GCSAM: variants seen among roughly 807,000 people sequenced by gnomAD.
GCSAM encodes the protein germinal center-associated signaling and motility protein.
In GCSAM, 8 loss-of-function variants were observed where a neutral mutation model predicts 17.6. That is an observed-to-expected ratio of 0.46 (90% CI 0.27 to 0.82). The LOEUF is 0.82. Ranked by LOEUF, GCSAM falls within the 40% of genes least tolerant of loss-of-function variation. The pLI, the probability that GCSAM is intolerant of heterozygous loss-of-function variation, is 0.15. For synonymous variants in GCSAM, 68 were observed against 69.0 expected, an observed-to-expected ratio of 0.98 and a Z score of 0.07; for missense variants, 192 against 213.5, an observed-to-expected ratio of 0.90 and a Z score of 0.63.
intron 5 of GCSAM, among the ~76,000 whole-genome samples, chr3:112,124,907 G>A (rs2074278860): frequency 6.6e-6 from 1 of 152,178 alleles, no homozygotes; most frequent in Non-Finnish European, 1.5e-5. Flanking sequence ...TCGGGGGATG[G>A]GATGGATTAT....
chr3:112,128,154 T>G, intron 2 of GCSAM, 93 bp from the exon 3 acceptor site: 1 of 1,108,546 alleles, frequency 9.0e-7, no homozygotes, highest in Non-Finnish European at 1.4e-6. Flanking sequence ...TGTGGAAAAC[T>G]TTTTTTCTCC....
chr3:112,127,910 C>T (rs2074365769), intron 3 of GCSAM, 107 bp downstream of exon 3: 2 of 866,096 alleles, frequency 2.3e-6, no homozygotes, highest in Non-Finnish European at 1.9e-6. Context: ...ATCTGGGCTA[C>T]TGACAGGCTT....
rs1431777235 is a variant in GCSAM, at chr3:112,122,644, G to A, written c.*811C>T. The A allele has an allele frequency of 2.0e-5, 3 of 152,008 alleles. No individual in the cohort carries two copies. The highest frequency in any genetic ancestry group is 1.3e-4 in the Admixed American group (2 of 15,254). The allele number at this position is 152,008 out of a possible 1,614,324, so 9.4% of individuals were successfully genotyped here. On this transcript the variant is annotated 3_prime_UTR_variant, in exon 6 of 6. Coordinates refer to ENST00000308910, the MANE Select transcript of GCSAM (RefSeq NM_152785.5). ...AGGGCTTTCTATTTAGCATACTGGGGGAGCACTAAATTGGAAGTCAGTAGG... is the reference window on the plus strand; with the variant it reads ...AGGGCTTTCTATTTAGCATACTGGGAGAGCACTAAATTGGAAGTCAGTAGG...
At chr3:112,123,873 T>G in intron 5 of GCSAM, 101 bp from the exon 6 acceptor site, 1 of 1,227,692 alleles carries the variant, frequency 8.1e-7, no homozygotes, top group Admixed American at 2.3e-5. Context: ...GTCTGTCTTC[T>G]ATGACCACCT....
At chr3:112,132,485 CT>C (rs893680644) in intron 1 of GCSAM, among the ~76,000 whole-genome samples, 19 of 152,264 alleles carry the variant, frequency 1.2e-4, no homozygotes, top group Admixed American at 3.3e-4. Context: ...ATTTTGAACC[CT>C]ACTTTATGTC....
rs2074182804 is a variant in GCSAM at position 112,120,914 on chromosome 3, A to G, written c.*2541T>C. On this transcript the variant is annotated 3_prime_UTR_variant, in exon 6 of 6. Coordinates refer to ENST00000308910, the MANE Select transcript of GCSAM (RefSeq NM_152785.5). The stretch of plus-strand genomic sequence containing the variant: ...ATTAAGTATATTACACTCATATCAG[A>G]ATTTTTTAACTCTTTTTTTGTTCTT... 1 of 152,142 alleles carries G rather than the reference A, an allele frequency of 6.6e-6. No homozygotes were observed. The highest frequency in any genetic ancestry group is 6.5e-5 in the Admixed American group (1 of 15,270). 9.4% of individuals were successfully genotyped at this position (152,142 alleles called of 1,614,324 possible).
rs138568469 is a variant in GCSAM at position 112,130,511 on chromosome 3, C to T, written c.32G>A (p.Arg11Gln). 4.2e-5 allele frequency: 68 copies of T among 1,613,600 alleles called. No individual in the cohort carries two copies. Among genetic ancestry groups the T allele is most frequent in the Middle Eastern group, 1.6e-4 (1 of 6,062 alleles). Residue 11 changes from arginine to glutamine, a missense_variant and splice_region_variant, in exon 2 of 6, where the codon CGG (arginine) becomes CAG (glutamine). Arg to Gln is a conservative substitution (Grantham distance 43). Coordinates refer to ENST00000308910, the MANE Select transcript of GCSAM (RefSeq NM_152785.5). MGNSLLRENR[R>Q]QQNTQEMPWN... ...AGGCATCTCTTGAGTGTTCTGCTGC[C>T]GCCTGAAACTCAACATATCAGAAAC...
chr3:112,123,295 G>T lies in GCSAM; in HGVS notation c.*160C>A, dbSNP rs540124732. ...TTGATCTTTAGATTTTGGCTTTTGC[G>T]TGCTAAGAGGGCTTGTGGTATACAA... is the stretch of plus-strand genomic sequence containing the variant. On this transcript the variant is annotated 3_prime_UTR_variant, in exon 6 of 6. Transcript: ENST00000308910. 7 of 1,376,586 alleles carry T rather than the reference G, an allele frequency of 5.1e-6. No homozygotes were observed. Among genetic ancestry groups the T allele is most frequent in the Non-Finnish European group, 6.7e-6 (7 of 1,040,546 alleles). 85.3% of individuals were successfully genotyped at this position (1,376,586 alleles called of 1,614,324 possible).
chr3:112,127,159 G>C (rs2074343379), intron 3 of GCSAM, 126 bp from the exon 4 acceptor site: 2 of 582,688 alleles, frequency 3.4e-6, no homozygotes, highest in East Asian at 6.1e-5. Context: ...ACCTCCTTCA[G>C]CATAGATGAG....
At chr3:112,125,384 G>T in intron 4 of GCSAM, 130 bp from the exon 5 acceptor site, 1 of 677,164 alleles carries the variant, frequency 1.5e-6, no homozygotes, top group South Asian at 1.7e-5. Context: ...AGGCTATTCT[G>T]ATCTACAGCA....
At chr3:112,130,820 C>T in intron 1 of GCSAM, 1 of 392,080 alleles carries the variant, frequency 2.6e-6, no homozygotes, top group Non-Finnish European at 4.8e-6. Context: ...GTATCCGTGT[C>T]CAGAGAGAGG....
At chr3:112,125,977 AG>A (rs2074308860) in intron 4 of GCSAM, among the ~76,000 whole-genome samples, 1 of 152,234 alleles carries the variant, frequency 6.6e-6, no homozygotes, top group Non-Finnish European at 1.5e-5. Context: ...CTCACATGAA[AG>A]TCTACAGAGG....
At chr3:112,129,402 C>G (rs1191378101) in intron 2 of GCSAM, 1 of 152,194 alleles carries the variant, frequency 6.6e-6, no homozygotes, top group Admixed American at 6.6e-5. Flanking sequence ...GGCTGTTTCT[C>G]CTACTTGACT....
At chr3:112,128,325 G>A in intron 2 of GCSAM, 1 of 624,346 alleles carries the variant, frequency 1.6e-6, no homozygotes, top group Non-Finnish European at 2.9e-6. Flanking sequence ...CTCAATTCTG[G>A]TAATTTCCTT....
chr3:112,133,208 A>AAAGGGCTGT lies in GCSAM; in HGVS notation c.-97_-89dup, dbSNP rs1374221251. 5 of 1,461,536 alleles carry AAAGGGCTGT rather than the reference A, an allele frequency of 3.4e-6. No homozygotes were observed. Among genetic ancestry groups the AAAGGGCTGT allele is most frequent in the Non-Finnish European group, 4.8e-6 (5 of 1,042,690 alleles). The allele number at this position is 1,461,536 out of a possible 1,614,324, so 90.5% of individuals were successfully genotyped here. On this transcript the variant is annotated 5_prime_UTR_variant, in exon 1 of 6. Coordinates refer to ENST00000308910, the MANE Select transcript of GCSAM (RefSeq NM_152785.5). ...TGACAGGGCAACTCCTGACTTAAAGAAAGGGCTGTGTGGCTCTGGCCACCC... is the reference window on the plus strand; with the variant it reads ...TGACAGGGCAACTCCTGACTTAAAGAAAGGGCTGTAAGGGCTGTGTGGCTCTGGCCACCC...
intron 3 of GCSAM, among the ~76,000 whole-genome samples, chr3:112,127,677 C>G: frequency 6.6e-6 from 1 of 152,094 alleles, no homozygotes; most frequent in Non-Finnish European, 1.5e-5. Flanking sequence ...ACTATCACCC[C>G]GACTATAAGT....
At chr3:112,126,941 TG>T (rs1273389404) in intron 4 of GCSAM, 45 bp downstream of exon 4, 1 of 1,262,882 alleles carries the variant, frequency 7.9e-7, no homozygotes, top group Non-Finnish European at 1.2e-6. Flanking sequence ...AGTTTGGAAA[TG>T]TAAGTCTTAT....
intron 5 of GCSAM, 149 bp from the exon 6 acceptor site, chr3:112,123,921 C>G: frequency 2.7e-6 from 2 of 749,698 alleles, no homozygotes; most frequent in Non-Finnish European, 4.3e-6. Context: ...TAAATGGCTG[C>G]TTCTACCCCA....
At chr3:112,131,052 G>C (rs1303503293) in intron 1 of GCSAM, 1 of 156,268 alleles carries the variant, frequency 6.4e-6, no homozygotes, top group African/African-American at 2.4e-5. Context: ...CCACTTGTTG[G>C]GAATTGGGAG....
Sources: gnomAD v4.1 joint callset for allele counts (sites outside exome capture counted in the v4.1 genomes callset) on GRCh38, gnomAD v4.1.1 for gene constraint, MANE v1.5 for transcripts, NCBI Gene and HGNC (gene_info 2026-07-23, HGNC 2026-07-21) for gene names.